Variants in LCOR observed in about 807,000 individuals in gnomAD.
The protein encoded by LCOR is ligand dependent nuclear receptor corepressor.
LCOR carries 14 observed loss-of-function variants against 64.4 expected under a neutral mutation model. The ratio of observed to expected loss-of-function variants is 0.22; its 90% CI spans 0.14 to 0.34. The LOEUF (loss-of-function observed/expected upper bound fraction) is 0.34, where lower values mean the gene tolerates loss of function less well. LCOR is among the 10% of genes least tolerant of loss of function. LCOR has a pLI of 1.00. For missense variants in LCOR, 1,686 were observed against 1,765.3 expected (o/e 0.96, Z 0.80); for synonymous variants, 643 against 642.5 (o/e 1.00, Z -0.01).
Position 96,889,940 on chromosome 10 carries a change from G to A in LCOR, c.-329-17325G>A, listed in dbSNP as rs1382034524. Among the ~76,000 whole-genome samples the A allele has an allele frequency of 2.0e-5, 3 of 152,172 alleles. No individual in the cohort carries two copies. In the East Asian group the frequency reaches 5.8e-4, roughly 29 times the overall value. On this transcript the variant is annotated intron_variant, in intron 2 of 7. Transcript: ENST00000421806. ...GTATATACTTAGGAGTGGAATGCTG[G>A]GTCATTTGGTAATTCTATTTTTAAC...
At chr10:96,857,780 C>T (rs55787931) in intron 2 of LCOR, among the ~76,000 whole-genome samples, 29 of 152,314 alleles carry the variant, frequency 1.9e-4, no homozygotes, top group African/African-American at 7.0e-4. Flanking sequence ...CTTGGACACA[C>T]TGAAGTTTGG....
chr10:96,954,849 T>G, intron 7 of LCOR: 1 of 726,090 alleles, frequency 1.4e-6, no homozygotes, highest in Non-Finnish European at 2.2e-6. Context: ...TAACACAAAG[T>G]GATGTTACCC....
chr10:96,943,218 C>G (rs542771629), intron 4 of LCOR, among the ~76,000 whole-genome samples: 1 of 152,302 alleles, frequency 6.6e-6, no homozygotes, highest in South Asian at 2.1e-4. Flanking sequence ...GCCTCAGCCT[C>G]CTGAGTAGCT....
At chr10:96,936,564 G>A (rs1847354224) in intron 4 of LCOR, among the ~76,000 whole-genome samples, 1 of 152,104 alleles carries the variant, frequency 6.6e-6, no homozygotes, top group South Asian at 2.1e-4. Context: ...AAAAGAATTG[G>A]GGAATACAGT....
intron 4 of LCOR, among the ~76,000 whole-genome samples, chr10:96,908,621 G>T (rs1846771419): frequency 1.3e-5 from 2 of 151,156 alleles, no homozygotes; most frequent in Non-Finnish European, 3.0e-5. Context: ...CATTTCACTT[G>T]TTGGAAACAT....
intron 2 of LCOR, among the ~76,000 whole-genome samples, chr10:96,894,822 A>G (rs1259963938): frequency 6.6e-6 from 1 of 152,208 alleles, no homozygotes; most frequent in East Asian, 1.9e-4. Context: ...GAATCCTCGG[A>G]TGACATTTGG....
rs560717942 is a variant in LCOR at position 96,944,114 on chromosome 10, G to A, written c.-182G>A. The A allele has an allele frequency of 1.5e-5, 15 of 985,646 alleles. No homozygotes were observed. The African/African-American group carries it at 2.1e-4, about 14-fold the overall frequency. The allele number at this position is 985,646 out of a possible 1,614,324, so 61.1% of individuals were successfully genotyped here. A position where few individuals can be genotyped will look rare whatever the true frequency, so the allele number is the denominator to read the frequency against. On this transcript the variant is annotated splice_region_variant and 5_prime_UTR_variant, in exon 5 of 8. Coordinates refer to ENST00000421806, the MANE Select transcript of LCOR (RefSeq NM_001346516.2). ...CTATTTCACCAAGTATTTTTGCAGG[G>A]ACACTTAGTCGGTCTGGATGAACCA...
chr10:96,874,855 C>T (rs957688387), intron 2 of LCOR, among the ~76,000 whole-genome samples: 3 of 151,950 alleles, frequency 2.0e-5, no homozygotes, highest in African/African-American at 7.3e-5. Flanking sequence ...CCAGGATGCT[C>T]TCAATCTCCT....
chr10:96,983,170 G>T lies in LCOR; in HGVS notation c.2710G>T (p.Gly904Trp), dbSNP rs568325585. ...EKDAEQEGEG[G>W]GIITRQTLKN... ...AGATGCTGAGCAGGAGGGCGAAGGC[G>T]GGGGGATCATCACCAGGCAGACTTT... Residue 904 changes from glycine (G) to tryptophan (W), a missense_variant, in exon 8 of 8, where the codon GGG becomes TGG. By Grantham distance (184) the Gly-to-Trp change is radical (BLOSUM62 -2). Coordinates refer to ENST00000421806, the MANE Select transcript of LCOR (RefSeq NM_001346516.2). The surrounding 1 kb of genome is among the most constrained non-coding windows in gnomAD (Gnocchi z 4.5). 1.2e-6 allele frequency: 2 copies of T among 1,613,952 alleles called. No individual in the cohort carries two copies. The highest frequency in any genetic ancestry group is 1.7e-6 in the Non-Finnish European group (2 of 1,180,016).
chr10:96,875,439 T>G (rs1184288005), intron 2 of LCOR, among the ~76,000 whole-genome samples: 1 of 152,106 alleles, frequency 6.6e-6, no homozygotes, highest in Non-Finnish European at 1.5e-5. Context: ...TCCCTTACTC[T>G]CATCCTGTGT....
At chr10:96,894,060 G>A (rs945307403) in intron 2 of LCOR, among the ~76,000 whole-genome samples, 8 of 152,112 alleles carry the variant, frequency 5.3e-5, no homozygotes, top group East Asian at 3.9e-4. Context: ...TGAAGACCAC[G>A]TAGGATCAAG....
intron 4 of LCOR, chr10:96,908,061 C>T (rs1846760407): frequency 6.6e-6 from 1 of 152,010 alleles, no homozygotes; most frequent in Non-Finnish European, 1.5e-5. Context: ...ATGGCACGAT[C>T]TCTGCTCACT....
At chr10:96,920,960 G>T (rs968707781) in intron 4 of LCOR, among the ~76,000 whole-genome samples, 1 of 151,848 alleles carries the variant, frequency 6.6e-6, no homozygotes, top group African/African-American at 2.4e-5. Context: ...ACCACACCTG[G>T]CTAATTTTTA....
At chr10:96,867,481 C>T (rs1187068460) in intron 2 of LCOR, among the ~76,000 whole-genome samples, 3 of 152,076 alleles carry the variant, frequency 2.0e-5, no homozygotes, top group Non-Finnish European at 4.4e-5. Flanking sequence ...CCAATAGTCC[C>T]AGCTACTCAG....
In LCOR at chr10:96,981,176, C is replaced by T. The variant is rs1330365446; in HGVS notation, c.716C>T (p.Ala239Val). The T allele has an allele frequency of 2.8e-6, 2 of 719,744 alleles. No individual in the cohort carries two copies. 44.6% of individuals were successfully genotyped at this position (719,744 alleles called of 1,614,324 possible). Residue 239 changes from alanine (A) to valine (V), a missense_variant, in exon 8 of 8, where the codon GCC (alanine) becomes GTC (valine). Physicochemically the swap from Ala to Val is moderately conservative, Grantham distance 64. This residue lies in a region of LCOR where 313 missense variants were observed against 247.2 expected (regional missense o/e 1.27). Coordinates refer to ENST00000421806, the MANE Select transcript of LCOR (RefSeq NM_001346516.2). ...EINPVDGREN[A>V]LTVVQKDSSE... ...AACCCTGTAGATGGAAGAGAGAATG[C>T]CTTGACTGTTGTCCAGAAAGATTCC...
chr10:96,865,857 A>G (rs1005067237), intron 2 of LCOR, among the ~76,000 whole-genome samples: 3 of 148,618 alleles, frequency 2.0e-5, no homozygotes, highest in African/African-American at 7.6e-5. Context: ...CTGGGCAACA[A>G]GAGCGAGACT....
intron 4 of LCOR, among the ~76,000 whole-genome samples, chr10:96,916,181 G>A (rs1315182411): frequency 2.0e-5 from 3 of 151,910 alleles, no homozygotes; most frequent in Admixed American, 6.6e-5. Context: ...ACAGGTGCCC[G>A]CCACCACTCC....
intron 7 of LCOR, among the ~76,000 whole-genome samples, chr10:96,978,080 G>T (rs923290014): frequency 6.6e-6 from 1 of 152,192 alleles, no homozygotes; most frequent in Non-Finnish European, 1.5e-5. Context: ...CACATATTGT[G>T]CTGTTGCTTT....
intron 2 of LCOR, among the ~76,000 whole-genome samples, chr10:96,852,031 G>A (rs1845729211): frequency 6.6e-6 from 1 of 152,162 alleles, no homozygotes; most frequent in Admixed American, 6.5e-5. Context: ...TGTCCACATG[G>A]GTGGCTGAGA....
Sources: gnomAD v4.1 joint callset for allele counts (sites outside exome capture counted in the v4.1 genomes callset) on GRCh38, gnomAD v4.1.1 for gene constraint, gnomAD v4.1.1 regional missense constraint, Gnocchi (gnomAD v3.1) non-coding constraint, MANE v1.5 for transcripts, NCBI Gene and HGNC (gene_info 2026-07-23, HGNC 2026-07-21) for gene names.